The following NF1 variants were observed in gnomAD, a reference collection of about 807,000 sequenced individuals.
NF1 encodes neurofibromin 1.
Under a neutral mutation model 325.7 loss-of-function variants are expected in NF1, and 122 were observed. The observed-to-expected ratio is 0.37, with a 90% CI of 0.32 to 0.44. NF1 has a LOEUF of 0.44. Ranked by LOEUF, NF1 falls within the 20% of genes least tolerant of loss-of-function variation. NF1 has a pLI of 1.00. For missense variants in NF1, 2,140 were observed against 3,415.4 expected, an observed-to-expected ratio of 0.63 and a Z score of 9.31; for synonymous variants, 1,091 against 1,186.0, an observed-to-expected ratio of 0.92 and a Z score of 1.65.
chr17:31,278,287 C>G (rs763499593), intron 36 of NF1: 11 of 151,840 alleles, frequency 7.2e-5, no homozygotes, highest in Non-Finnish European at 1.6e-4. Context: ...TGAGAATGAT[C>G]ATAAATTTCA....
rs758796708 is a variant in NF1 at position 31,230,794 on chromosome 17, G to T, written c.3114-48G>T. 4 of 1,383,026 alleles carry T rather than the reference G, an allele frequency of 2.9e-6. No homozygotes were observed. In the South Asian group the frequency reaches 4.8e-5, roughly 16 times the overall value. 85.7% of individuals were successfully genotyped at this position (1,383,026 alleles called of 1,614,324 possible). A position where few individuals can be genotyped will look rare whatever the true frequency, so the allele number is the denominator to read the frequency against. ...TTACGTGACTAAAGGTGTGTGTGTG[G>T]CTTCAAAAACATTGTTTGCTGTTTC... is the stretch of plus-strand genomic sequence containing the variant. On this transcript the variant is annotated intron_variant, in intron 23 of 57. Coordinates refer to ENST00000358273, the MANE Select transcript of NF1 (RefSeq NM_001042492.3).
At chr17:31,353,493 T>C (rs2070203340) in intron 51 of NF1, among the ~76,000 whole-genome samples, 2 of 152,112 alleles carry the variant, frequency 1.3e-5, no homozygotes, top group South Asian at 4.1e-4. Flanking sequence ...TAGCTGGGCA[T>C]GGTGACGAGC....
intron 5 of NF1, among the ~76,000 whole-genome samples, chr17:31,175,269 A>T (rs2066000424): frequency 6.6e-6 from 1 of 150,758 alleles, no homozygotes; most frequent in Non-Finnish European, 1.5e-5. Flanking sequence ...AAACCACCAG[A>T]TGTTAACTGT....
intron 36 of NF1, chr17:31,305,267 TG>T: frequency 6.2e-7 from 1 of 1,613,592 alleles, no homozygotes; most frequent in Non-Finnish European, 8.5e-7. Flanking sequence ...TGGGAGGAGG[TG>T]TTGGCTATTG....
chr17:31,144,626 A>C lies in NF1; in HGVS notation c.61-11357A>C, dbSNP rs564614305. ...AGTGTTTCTTGGCCTCTCTCTCCACAATGGCGTCCCATTCTTCAGAATCTC... is the reference window on the plus strand; with the variant it reads ...AGTGTTTCTTGGCCTCTCTCTCCACCATGGCGTCCCATTCTTCAGAATCTC... On this transcript the variant is annotated intron_variant, in intron 1 of 57. Coordinates refer to ENST00000358273, the MANE Select transcript of NF1 (RefSeq NM_001042492.3). 1.5e-4 allele frequency among the ~76,000 whole-genome samples: 23 copies of C among 151,868 alleles called. No homozygotes were observed. The South Asian group carries it at 4.2e-3, about 27-fold the overall frequency.
intron 1 of NF1, among the ~76,000 whole-genome samples, chr17:31,124,444 A>C (rs1057493650): frequency 5.3e-5 from 8 of 150,812 alleles, no homozygotes; most frequent in African/African-American, 1.7e-4. Flanking sequence ...TTTTAACTGC[A>C]CGTATAATAT....
At chr17:31,189,346 A>C (rs2066299596) in intron 8 of NF1, among the ~76,000 whole-genome samples, 1 of 152,088 alleles carries the variant, frequency 6.6e-6, no homozygotes, top group Non-Finnish European at 1.5e-5. Flanking sequence ...TTTTGGTCAG[A>C]TCTCTCTTCC....
chr17:31,155,843 C>T lies in NF1; in HGVS notation c.61-140C>T, dbSNP rs889982610. The T allele has an allele frequency of 2.5e-5, 22 of 883,474 alleles. 1 individual carries two copies. Among genetic ancestry groups the T allele is most frequent in the East Asian group, 5.3e-5 (2 of 37,836 alleles). The allele number at this position is 883,474 out of a possible 1,614,324, so 54.7% of individuals were successfully genotyped here. A position where few individuals can be genotyped will look rare whatever the true frequency, so the allele number is the denominator to read the frequency against. ...CATATATTGGAGGTTGATTGAAAAT[C>T]GGAGTTTGAGATGCAAGTATAGGTA... On this transcript the variant is annotated intron_variant, in intron 1 of 57. Transcript: ENST00000358273.
intron 35 of NF1, among the ~76,000 whole-genome samples, chr17:31,263,560 C>T (rs1439950474): frequency 2.0e-5 from 3 of 150,910 alleles, no homozygotes; most frequent in Non-Finnish European, 4.4e-5. Flanking sequence ...ACATCCTAGC[C>T]ATTTTTCTAG....
chr17:31,231,541 C>G (rs994259933), intron 24 of NF1, among the ~76,000 whole-genome samples: 1 of 152,098 alleles, frequency 6.6e-6, no homozygotes, highest in African/African-American at 2.4e-5. Flanking sequence ...TGCTCAAGTC[C>G]CTGACTTAAG....
At chr17:31,214,376 A>T (rs2066783395) in intron 12 of NF1, 75 bp from the exon 13 acceptor site, 1 of 1,205,296 alleles carries the variant, frequency 8.3e-7, no homozygotes, top group Non-Finnish European at 1.2e-6. Context: ...TTTTAATAAT[A>T]AATTTCTTTT....
intron 2 of NF1, among the ~76,000 whole-genome samples, chr17:31,158,445 G>T (rs2065706113): frequency 6.6e-6 from 1 of 152,096 alleles, no homozygotes; most frequent in South Asian, 2.1e-4. Context: ...ATGTGGCTGT[G>T]TTCCCAGTTA....
chr17:31,224,994 G>A, intron 16 of NF1, 101 bp from the exon 17 acceptor site: 2 of 1,311,206 alleles, frequency 1.5e-6, no homozygotes, highest in Admixed American at 1.7e-5. Flanking sequence ...GAGAGGAGAG[G>A]TTTTTTAGGA....
chr17:31,163,490 A>G (rs984639190), intron 4 of NF1, 114 bp downstream of exon 4: 1 of 1,201,452 alleles, frequency 8.3e-7, no homozygotes, highest in Admixed American at 2.0e-5. Flanking sequence ...TGTTTTTGAG[A>G]CAAGTTCTTT....
chr17:31,318,226 A>C, intron 36 of NF1: 1 of 1,515,210 alleles, frequency 6.6e-7, no homozygotes, highest in East Asian at 2.3e-5. Context: ...AATCAGAACA[A>C]CACTTTGGGA....
intron 36 of NF1, among the ~76,000 whole-genome samples, chr17:31,309,387 A>G (rs993238256): frequency 7.9e-5 from 12 of 152,086 alleles, no homozygotes; most frequent in Admixed American, 1.3e-4. Flanking sequence ...CTTTTTATCC[A>G]TTTTGCAAAA....
intron 1 of NF1, among the ~76,000 whole-genome samples, chr17:31,107,328 T>G (rs1912946652): frequency 1.3e-5 from 2 of 152,196 alleles, no homozygotes; most frequent in Non-Finnish European, 2.9e-5. Context: ...ATAGTAGGTT[T>G]TGTTTTAGTC....
rs139943451 is a variant in NF1, at chr17:31,318,634, G to T, written c.4836-7186G>T. 8 of 1,613,886 alleles carry T rather than the reference G, an allele frequency of 5.0e-6. No homozygotes were observed. In the African/African-American group the frequency reaches 6.7e-5, roughly 13 times the overall value. ...CATAGCCATGTTGTTGTTGTTTTCC[G>T]CACAGACATCCTTTTTGAAAATTTC... On this transcript the variant is annotated intron_variant, in intron 36 of 57. Coordinates refer to ENST00000358273, the MANE Select transcript of NF1 (RefSeq NM_001042492.3).
At chr17:31,200,895 A>G (rs1225962398) in intron 9 of NF1, 142 bp from the exon 10 acceptor site, 41 of 1,164,552 alleles carry the variant, frequency 3.5e-5, no homozygotes, top group Non-Finnish European at 4.8e-5. Flanking sequence ...CTGATGAACC[A>G]CAGTATGGGT....
Sources: allele counts gnomAD v4.1 joint callset (sites outside exome capture counted in the v4.1 genomes callset), GRCh38; gene constraint gnomAD v4.1.1; transcripts MANE v1.5; gene names NCBI Gene and HGNC (gene_info 2026-07-23, HGNC 2026-07-21).